The following SSBP2 variants were observed in gnomAD, a reference collection of about 807,000 sequenced individuals.
SSBP2 encodes the protein single-stranded DNA-binding protein 2.
SSBP2 carries 17 observed loss-of-function variants against 61.8 expected under a neutral mutation model. The ratio of observed to expected loss-of-function variants is 0.28; its 90% confidence interval spans 0.19 to 0.41. SSBP2 has a LOEUF of 0.41. Ranked by LOEUF, SSBP2 falls within the 10% of genes least tolerant of loss-of-function variation. SSBP2 has a pLI of 1.00. For missense variants in SSBP2, 310 were observed against 458.7 expected, an observed-to-expected ratio of 0.68 and a Z score of 2.96; for synonymous variants, 139 against 141.3, an observed-to-expected ratio of 0.98 and a Z score of 0.12.
chr5:81,460,577 C>T (rs1232835287), intron 10 of SSBP2, among the ~76,000 whole-genome samples: 1 of 152,116 alleles, frequency 6.6e-6, no homozygotes, highest in Non-Finnish European at 1.5e-5. Context: ...GGCAATTTAG[C>T]TAACAGGTAC....
chr5:81,647,832 C>T (rs1202268912), intron 2 of SSBP2, among the ~76,000 whole-genome samples: 1 of 152,092 alleles, frequency 6.6e-6, no homozygotes, highest in Non-Finnish European at 1.5e-5. Context: ...TCTGTATATA[C>T]ATTTTCCACT....
At chr5:81,544,774 C>T (rs1287486984) in intron 4 of SSBP2, among the ~76,000 whole-genome samples, 1 of 152,190 alleles carries the variant, frequency 6.6e-6, no homozygotes, top group African/African-American at 2.4e-5. Context: ...GCTTCTCAGA[C>T]ACACAGCCAA....
At chr5:81,567,426 T>A (rs1048529740) in intron 4 of SSBP2, among the ~76,000 whole-genome samples, 2 of 152,156 alleles carry the variant, frequency 1.3e-5, no homozygotes, top group African/African-American at 4.8e-5. Context: ...AGAATTGAGG[T>A]TTGGGAACCT....
chr5:81,748,421 T>C (rs958859726), intron 1 of SSBP2, among the ~76,000 whole-genome samples: 27 of 152,166 alleles, frequency 1.8e-4, no homozygotes, highest in Admixed American at 1.4e-3. Context: ...GTTAGTACAT[T>C]GTTGCAGAAT....
intron 3 of SSBP2, among the ~76,000 whole-genome samples, chr5:81,631,488 A>C (rs1019744714): frequency 1.3e-5 from 2 of 151,766 alleles, no homozygotes; most frequent in African/African-American, 4.8e-5. Context: ...AAAAAAAAAA[A>C]AAACACCCCA....
intron 4 of SSBP2, among the ~76,000 whole-genome samples, chr5:81,534,020 C>G (rs1251939041): frequency 3.3e-5 from 5 of 152,124 alleles, no homozygotes; most frequent in Non-Finnish European, 7.4e-5. Flanking sequence ...TCAAGAGAAA[C>G]TAACCGGAGC....
intron 4 of SSBP2, among the ~76,000 whole-genome samples, chr5:81,579,745 G>A (rs559826836): frequency 6.6e-6 from 1 of 151,940 alleles, no homozygotes; most frequent in Non-Finnish European, 1.5e-5. Flanking sequence ...AATAGGAAAT[G>A]GAAGCTGTCA....
intron 4 of SSBP2, among the ~76,000 whole-genome samples, chr5:81,518,972 T>C (rs528507921): frequency 7.2e-5 from 11 of 152,290 alleles, no homozygotes; most frequent in Non-Finnish European, 1.5e-4. Flanking sequence ...TCATGCATGA[T>C]GCATTTAATA....
At chr5:81,600,388 C>G (rs1227609094) in intron 4 of SSBP2, among the ~76,000 whole-genome samples, 1 of 151,782 alleles carries the variant, frequency 6.6e-6, no homozygotes, top group Non-Finnish European at 1.5e-5. Flanking sequence ...CGGTGAAACC[C>G]TGTCTCTACT....
At chr5:81,623,517 A>T (rs1746836269) in intron 3 of SSBP2, among the ~76,000 whole-genome samples, 1 of 151,600 alleles carries the variant, frequency 6.6e-6, no homozygotes, top group Admixed American at 6.6e-5. Context: ...TTGTATTTTT[A>T]GTAGAGACGG....
At chr5:81,704,585 C>T (rs1373707213) in intron 1 of SSBP2, among the ~76,000 whole-genome samples, 2 of 152,062 alleles carry the variant, frequency 1.3e-5, no homozygotes, top group Non-Finnish European at 2.9e-5. Flanking sequence ...ATCACCAGGT[C>T]AGGAGCTCAA....
intron 4 of SSBP2, among the ~76,000 whole-genome samples, chr5:81,593,870 C>A (rs967459845): frequency 6.6e-6 from 1 of 152,176 alleles, no homozygotes; most frequent in East Asian, 1.9e-4. Context: ...ACAACTGGTA[C>A]CAGCCACTGC....
In SSBP2 at chr5:81,636,626, G is replaced by T; in HGVS notation, c.136-8C>A. ...GTTTTTTTCCCATCTTATCTAAAAT[G>T]AATAAAAGAGATATTACTTTCCTAA... On this transcript the variant is annotated splice_region_variant and splice_polypyrimidine_tract_variant and intron_variant, in intron 2 of 16. Coordinates refer to ENST00000320672, the MANE Select transcript of SSBP2 (RefSeq NM_012446.5). The T allele has an allele frequency of 1.9e-6, 3 of 1,593,214 alleles. No individual in the cohort carries two copies. Among genetic ancestry groups the T allele is most frequent in the South Asian group, 1.1e-5 (1 of 89,040 alleles).
At chr5:81,712,730 T>TG (rs1157565531) in intron 1 of SSBP2, among the ~76,000 whole-genome samples, 6 of 148,578 alleles carry the variant, frequency 4.0e-5, no homozygotes, top group East Asian at 2.0e-4. Context: ...GTTTCTTTGT[T>TG]TTTTTTTTTT....
chr5:81,470,374 C>T (rs1765172817), intron 8 of SSBP2, among the ~76,000 whole-genome samples: 1 of 151,492 alleles, frequency 6.6e-6, no homozygotes, highest in Non-Finnish European at 1.5e-5. Flanking sequence ...TTCTAATATA[C>T]TTTCACTTTA....
At position 81,582,846 on chromosome 5, in the gene SSBP2, A is replaced by T. The variant is rs149638759; in HGVS notation, c.282+32627T>A. ...TGACCTCAGGTGACCCACCCACCTCAGCCTCCCAAAGTGCTGGATTACAGG... is the reference window on the plus strand; with the variant it reads ...TGACCTCAGGTGACCCACCCACCTCTGCCTCCCAAAGTGCTGGATTACAGG... On this transcript the variant is annotated intron_variant, in intron 4 of 16. Transcript: ENST00000320672. 4.2e-3 allele frequency among the ~76,000 whole-genome samples: 638 copies of T among 152,260 alleles called. 4 individuals are homozygous for T. The highest frequency in any genetic ancestry group is 0.015 in the African/African-American group (607 of 41,564).
chr5:81,513,821 G>A, intron 4 of SSBP2, 104 bp from the exon 5 acceptor site: 1 of 671,856 alleles, frequency 1.5e-6, no homozygotes, highest in Non-Finnish European at 2.6e-6. Flanking sequence ...TTCATGCCTG[G>A]GAACAAATAC....
intron 5 of SSBP2, among the ~76,000 whole-genome samples, chr5:81,507,106 G>C (rs1768238281): frequency 6.6e-6 from 1 of 151,968 alleles, no homozygotes; most frequent in Admixed American, 6.6e-5. Flanking sequence ...GCTAAAAATA[G>C]AAAGTCTAGA....
chr5:81,461,447 A>T (rs1764532392), intron 9 of SSBP2, among the ~76,000 whole-genome samples: 1 of 152,122 alleles, frequency 6.6e-6, no homozygotes, highest in African/African-American at 2.4e-5. Flanking sequence ...TTATGAACTA[A>T]ATATAAACCA....
Sources: gnomAD v4.1 joint callset for allele counts (sites outside exome capture counted in the v4.1 genomes callset) on GRCh38, gnomAD v4.1.1 for gene constraint, MANE v1.5 for transcripts, NCBI Gene and HGNC (gene_info 2026-07-23, HGNC 2026-07-21) for gene names.